Variants in FAM174C observed in about 807,000 individuals in gnomAD.
FAM174C encodes the protein family with sequence similarity 174 member C, also known as protein FAM174C.
FAM174C carries 19 observed loss-of-function variants against 12.3 expected under a neutral mutation model. The observed-to-expected ratio is 1.55, with a 90% CI of 1.08 to 2.27. The LOEUF (loss-of-function observed/expected upper bound fraction) is 2.27, where lower values mean the gene tolerates loss of function less well. FAM174C is among the 30% of genes most tolerant of loss of function. The probability of loss-of-function intolerance (pLI) is 0.00; values close to 1 mark genes in which losing one functional copy is unlikely to be tolerated. For missense variants in FAM174C, 239 were observed against 190.2 expected (o/e 1.26, Z -1.51); for synonymous variants, 147 against 103.5 (o/e 1.42, Z -2.55).
At chr19:1,276,083 G>T (rs1209365689) in intron 1 of FAM174C, 1 of 512,378 alleles carries the variant, frequency 2.0e-6, no homozygotes, top group Non-Finnish European at 3.4e-6. Flanking sequence ...TAACTCGGGG[G>T]TGACGCTGCC....
intron 1 of FAM174C, 101 bp downstream of exon 1, chr19:1,275,931 C>CCTCCCTCCCTCT (rs530605409): frequency 0.039 from 40,025 of 1,030,868 alleles, 1,091 homozygotes; most frequent in African/African-American, 0.073. Flanking sequence ...TCCCTCCCTC[C>CCTCCCTCCCTCT]CTCCCTCCCT....
chr19:1,278,902 A>C lies in FAM174C; in HGVS notation c.*125A>C. ...CCCTGCTGGCCCCGGGGCTGGTCTC[A>C]CCCAGTGCCAACCCGAGAGCTCCTT... On this transcript the variant is annotated 3_prime_UTR_variant, in exon 3 of 3. Coordinates refer to ENST00000409293, the MANE Select transcript of FAM174C (RefSeq NM_017914.4). 1 of 1,613,086 alleles carries C rather than the reference A, an allele frequency of 6.2e-7. No homozygotes were observed. The highest frequency in any genetic ancestry group is 8.5e-7 in the Non-Finnish European group (1 of 1,179,872).
chr19:1,277,363 C>T (rs1447127168), intron 2 of FAM174C, 64 bp downstream of exon 2: 7 of 1,511,320 alleles, frequency 4.6e-6, no homozygotes, highest in Non-Finnish European at 6.3e-6. Context: ...TCAGCAGGAC[C>T]CTGGGGACTT....
intron 1 of FAM174C, 105 bp downstream of exon 1, chr19:1,275,935 C>CCTCCCTCCCTCT (rs1568846710): frequency 9.4e-7 from 1 of 1,058,742 alleles, no homozygotes; most frequent in African/African-American, 1.6e-5. Flanking sequence ...TCCCTCCCTC[C>CCTCCCTCCCTCT]CTCCCTCTCT....
chr19:1,278,309 G>A (rs1425976227), intron 2 of FAM174C, among the ~76,000 whole-genome samples: 1 of 152,122 alleles, frequency 6.6e-6, no homozygotes, highest in East Asian at 1.9e-4. Context: ...TGCCGGGCGG[G>A]ACTGGGGTAG....
At chr19:1,278,630 G>A (rs2081426081) in intron 2 of FAM174C, 147 bp from the exon 3 acceptor site, 8 of 1,470,704 alleles carry the variant, frequency 5.4e-6, no homozygotes, top group Non-Finnish European at 7.2e-6. Flanking sequence ...CAGGAGGCCG[G>A]GGAGGGAGGC....
Position 1,275,684 on chromosome 19 carries a change from G to T in FAM174C, c.135G>T (p.Val45=). The T allele has an allele frequency of 6.8e-7, 1 of 1,467,220 alleles. No individual in the cohort carries two copies. The highest frequency in any genetic ancestry group is 8.9e-7 in the Non-Finnish European group (1 of 1,120,570). The allele number at this position is 1,467,220 out of a possible 1,614,324, so 90.9% of individuals were successfully genotyped here. A position where few individuals can be genotyped will look rare whatever the true frequency, so the allele number is the denominator to read the frequency against. Residue 45 remains valine, a synonymous_variant, in exon 1 of 3, where the codon GTG becomes GTT. Coordinates refer to ENST00000409293, the MANE Select transcript of FAM174C (RefSeq NM_017914.4). ...AQVTLSPPPA[V]TNGSQPGAPH... ...TCACGTTGTCGCCGCCGCCGGCCGT[G>T]ACGAACGGGAGCCAGCCGGGCGCGC...
chr19:1,276,558 T>C (rs2081416266), intron 1 of FAM174C: 1 of 152,264 alleles, frequency 6.6e-6, no homozygotes, highest in Non-Finnish European at 1.5e-5. Flanking sequence ...CGCTTTTTAT[T>C]TTTTATAAGT....
At chr19:1,278,653 G>T in intron 2 of FAM174C, 124 bp from the exon 3 acceptor site, 1 of 1,512,272 alleles carries the variant, frequency 6.6e-7, no homozygotes, top group East Asian at 2.5e-5. Context: ...GTGGGGGGAG[G>T]CTGGGCCCTG....
At position 1,277,182 on chromosome 19, in the gene FAM174C, G is replaced by C. The variant is rs777728540; in HGVS notation, c.282-1G>C. On this transcript the variant is annotated splice_acceptor_variant, in intron 1 of 2. Coordinates refer to ENST00000409293, the MANE Select transcript of FAM174C (RefSeq NM_017914.4). LOFTEE classifies it high-confidence loss of function. ...CTGACTATGCCTGGACCTACTTCCA[G>C]GTTGAAGAAGCCTCAGCGGAGGCGA... 6.5e-7 allele frequency: 1 copy of C among 1,537,944 alleles called. No homozygotes were observed. Among genetic ancestry groups the C allele is most frequent in the South Asian group, 1.2e-5 (1 of 83,792 alleles).
chr19:1,277,332 TGGGCAGGCTG>T, intron 2 of FAM174C, 33 bp downstream of exon 2: 1 of 1,526,226 alleles, frequency 6.6e-7, no homozygotes, highest in Non-Finnish European at 8.9e-7. Flanking sequence ...GGGGCCTCGG[TGGGCAGGCTG>T]GGCTGGAGAC....
At chr19:1,277,012 G>C in intron 1 of FAM174C, 171 bp from the exon 2 acceptor site, 1 of 1,048,676 alleles carries the variant, frequency 9.5e-7, no homozygotes, top group East Asian at 2.8e-5. Context: ...CCATGGGAGT[G>C]AATGGTAATC....
chr19:1,277,105 G>T, intron 1 of FAM174C, 78 bp from the exon 2 acceptor site: 4 of 1,487,594 alleles, frequency 2.7e-6, no homozygotes, highest in South Asian at 1.3e-5. Flanking sequence ...AGTAGAGGAC[G>T]GCAATGAGAG....
At chr19:1,276,103 G>C (rs2081413377) in intron 1 of FAM174C, 3 of 488,302 alleles carry the variant, frequency 6.1e-6, no homozygotes, top group South Asian at 4.8e-5. Flanking sequence ...CCGTTTCCCA[G>C]GTGGGGCCAC....
rs752834054 is a variant in FAM174C at position 1,278,901 on chromosome 19, C to T, written c.*124C>T. On this transcript the variant is annotated 3_prime_UTR_variant, in exon 3 of 3. Coordinates refer to ENST00000409293, the MANE Select transcript of FAM174C (RefSeq NM_017914.4). The stretch of plus-strand genomic sequence containing the variant: ...CCCCTGCTGGCCCCGGGGCTGGTCT[C>T]ACCCAGTGCCAACCCGAGAGCTCCT... The T allele has an allele frequency of 3.1e-6, 5 of 1,613,068 alleles. No homozygotes were observed. Among genetic ancestry groups the T allele is most frequent in the African/African-American group, 2.7e-5 (2 of 74,924 alleles).
chr19:1,278,681 G>A, intron 2 of FAM174C, 96 bp from the exon 3 acceptor site: 2 of 1,567,484 alleles, frequency 1.3e-6, no homozygotes, highest in Non-Finnish European at 1.7e-6. Context: ...GAGGGGCCTG[G>A]ACAGGCTGCC....
At chr19:1,276,123 A>T (rs936013229) in intron 1 of FAM174C, 6 of 463,750 alleles carry the variant, frequency 1.3e-5, no homozygotes, top group African/African-American at 1.0e-4. Context: ...CTGAAGCCGG[A>T]GCATGCCGGG....
rs758447689 is a variant in FAM174C, at chr19:1,278,767, C to T, written c.*-10C>T. ...CTCCTTCCCTCTCACCCTTGACCCC[C>T]TGCTTTCAGATGCTGAGCCAGGGAG... On this transcript the variant is annotated splice_polypyrimidine_tract_variant and intron_variant, in intron 2 of 2. Coordinates refer to ENST00000409293, the MANE Select transcript of FAM174C (RefSeq NM_017914.4). 9.9e-6 allele frequency: 16 copies of T among 1,612,284 alleles called. No individual in the cohort carries two copies. The highest frequency in any genetic ancestry group is 2.7e-5 in the African/African-American group (2 of 74,890).
chr19:1,279,159 G>C lies in FAM174C; in HGVS notation c.*382G>C. ...CAGAGCCAAGGCTGGGTGGGCAGGT[G>C]ACCCAAGGAACCTTTCTGGGAACAC... On this transcript the variant is annotated 3_prime_UTR_variant, in exon 3 of 3. Transcript: ENST00000409293. 1.2e-6 allele frequency: 2 copies of C among 1,613,026 alleles called. No homozygotes were observed. The highest frequency in any genetic ancestry group is 1.7e-6 in the Non-Finnish European group (2 of 1,179,922).
Sources: allele counts gnomAD v4.1 joint callset (sites outside exome capture counted in the v4.1 genomes callset), GRCh38; gene constraint gnomAD v4.1.1; transcripts MANE v1.5; gene names NCBI Gene and HGNC (gene_info 2026-07-23, HGNC 2026-07-21).